The following SLC36A1 variants were observed in gnomAD, a reference collection of about 807,000 sequenced individuals.
SLC36A1 encodes the protein proton-coupled amino acid transporter 1.
A neutral mutation model predicts 47.5 loss-of-function variants in SLC36A1; 30 were observed. That is an observed-to-expected ratio of 0.63 (90% CI 0.47 to 0.86). The LOEUF (loss-of-function observed/expected upper bound fraction) is 0.86, where lower values mean the gene tolerates loss of function less well. SLC36A1 is among the 40% of genes least tolerant of loss of function. The probability of loss-of-function intolerance (pLI) is 0.00; values close to 1 mark genes in which losing one functional copy is unlikely to be tolerated. For synonymous variants in SLC36A1, 255 were observed against 249.7 expected (o/e 1.02, Z -0.20); for missense variants, 517 against 606.0 (o/e 0.85, Z 1.54).
chr5:151,421,984 GA>G, the SLC36A1 span, among the ~76,000 whole-genome samples: 1 of 152,022 alleles, frequency 6.6e-6, no homozygotes, highest in East Asian at 1.9e-4. Context: ...GAAACTGCAG[GA>G]AAAAAACAGA....
At chr5:151,350,276 T>C in the SLC36A1 span, among the ~76,000 whole-genome samples, 2 of 152,168 alleles carry the variant, frequency 1.3e-5, no homozygotes, top group Admixed American at 6.5e-5. Flanking sequence ...ATGAGGTGTG[T>C]TACATGAGGT....
At chr5:151,346,869 G>A in the SLC36A1 span, among the ~76,000 whole-genome samples, 2 of 152,164 alleles carry the variant, frequency 1.3e-5, no homozygotes, top group Non-Finnish European at 2.9e-5. Flanking sequence ...CAGGGAGGAG[G>A]AAATACTTAG....
At chr5:151,481,259 T>C (rs777334685) in intron 10 of SLC36A1, among the ~76,000 whole-genome samples, 1 of 152,336 alleles carries the variant, frequency 6.6e-6, no homozygotes, top group East Asian at 1.9e-4. Flanking sequence ...TTTTCCCTTC[T>C]GTGATCTGTT....
chr5:151,358,635 C>T, the SLC36A1 span, among the ~76,000 whole-genome samples: 4 of 152,164 alleles, frequency 2.6e-5, no homozygotes, highest in Non-Finnish European at 4.4e-5. Context: ...AGAAGTGGTT[C>T]TCAAACTTCA....
At chr5:151,382,075 C>A in the SLC36A1 span, 1 of 757,244 alleles carries the variant, frequency 1.3e-6, no homozygotes, top group Non-Finnish European at 2.3e-6. Flanking sequence ...ACTGATGTAA[C>A]CCCCAAAGAG....
At chr5:151,355,027 G>C in the SLC36A1 span, among the ~76,000 whole-genome samples, 1 of 152,146 alleles carries the variant, frequency 6.6e-6, no homozygotes, top group African/African-American at 2.4e-5. Context: ...CCTACTGACC[G>C]AGGAAAAACA....
intron 8 of SLC36A1, among the ~76,000 whole-genome samples, chr5:151,474,242 T>C (rs1263940557): frequency 6.6e-6 from 1 of 151,370 alleles, no homozygotes; most frequent in East Asian, 2.0e-4. Context: ...TCCATTGAGA[T>C]TTCCCAGCTT....
In SLC36A1 at chr5:151,489,841, A is replaced by G. The variant is rs1056183620; in HGVS notation, c.*1587A>G. 12 of 152,288 alleles carry G rather than the reference A, an allele frequency of 7.9e-5. 2 individuals carry two copies. The highest frequency in any genetic ancestry group is 7.2e-4 in the Admixed American group (11 of 15,292). 9.4% of individuals were successfully genotyped at this position (152,288 alleles called of 1,614,324 possible). The stretch of plus-strand genomic sequence containing the variant: ...TGTGTTCCTGTGTAAGTAACAGACC[A>G]GACTCCTTTTCTCTTCTGTCCCGTC... On this transcript the variant is annotated 3_prime_UTR_variant, in exon 11 of 11. Coordinates refer to ENST00000243389, the MANE Select transcript of SLC36A1 (RefSeq NM_078483.4). This position sits in a 1 kb window ranked among gnomAD's most constrained non-coding sequence, Gnocchi z 4.5.
the SLC36A1 span, chr5:151,545,985 G>A: frequency 1.9e-6 from 3 of 1,613,918 alleles, no homozygotes; most frequent in African/African-American, 4.0e-5. Context: ...ATTTCTTCTG[G>A]GTGGAAATAA....
chr5:151,392,248 T>G, the SLC36A1 span, among the ~76,000 whole-genome samples: 1 of 152,202 alleles, frequency 6.6e-6, no homozygotes, highest in Non-Finnish European at 1.5e-5. Context: ...GGTGGTGATA[T>G]CCCCTTTATC....
intron 10 of SLC36A1, chr5:151,480,255 A>G: frequency 4.4e-6 from 2 of 450,628 alleles, no homozygotes; most frequent in Non-Finnish European, 7.6e-6. Context: ...GCTTAAAAGC[A>G]TAGATTCCTC....
At position 151,451,244 on chromosome 5, in the gene SLC36A1, G is replaced by T; in HGVS notation, c.-6+3431G>T. Among the ~76,000 whole-genome samples, 2 of 151,834 alleles carry T rather than the reference G, an allele frequency of 1.3e-5. 1 individual carries two copies. The highest frequency in any genetic ancestry group is 1.3e-4 in the Admixed American group (2 of 15,238). On this transcript the variant is annotated intron_variant, in intron 1 of 10. Coordinates refer to ENST00000243389, the MANE Select transcript of SLC36A1 (RefSeq NM_078483.4). Reference sequence around the variant, plus strand: ...ATTATTATTATTTTTTTGGAGATGAGGTCTCACTATTTTGTCCACGCTGGT... The same window carrying T: ...ATTATTATTATTTTTTTGGAGATGATGTCTCACTATTTTGTCCACGCTGGT...
At chr5:151,415,598 CT>C in the SLC36A1 span, among the ~76,000 whole-genome samples, 1 of 152,136 alleles carries the variant, frequency 6.6e-6, no homozygotes, top group Non-Finnish European at 1.5e-5. Flanking sequence ...ACATTTGTAT[CT>C]TTTCTTATTT....
chr5:151,392,132 AG>A, the SLC36A1 span, among the ~76,000 whole-genome samples: 1 of 151,972 alleles, frequency 6.6e-6, no homozygotes, highest in East Asian at 1.9e-4. Context: ...TAGTATTGGG[AG>A]GGTGTGTGTG....
the SLC36A1 span, chr5:151,382,353 C>T: frequency 2.0e-4 from 160 of 790,504 alleles, 1 homozygote; most frequent in South Asian, 1.7e-3. Flanking sequence ...TCTGGCCATG[C>T]GCCAGCTCAA....
chr5:151,358,429 G>A, the SLC36A1 span, among the ~76,000 whole-genome samples: 311 of 152,156 alleles, frequency 2.0e-3, 3 homozygotes, highest in African/African-American at 7.1e-3. Flanking sequence ...GCACTACTGT[G>A]GCCGGCTAAT....
chr5:151,519,399 A>G, the SLC36A1 span, among the ~76,000 whole-genome samples: 1 of 152,198 alleles, frequency 6.6e-6, no homozygotes, highest in Non-Finnish European at 1.5e-5. Context: ...TGGCAATTCC[A>G]TTGTAGTAGG....
At chr5:151,552,209 G>T in the SLC36A1 span, among the ~76,000 whole-genome samples, 1 of 152,026 alleles carries the variant, frequency 6.6e-6, no homozygotes, top group African/African-American at 2.4e-5. Flanking sequence ...TGTAACCTTG[G>T]ACTCGGCCTC....
upstream of SLC36A1, among the ~76,000 whole-genome samples, chr5:151,447,339 A>T (rs1255673279): frequency 6.6e-6 from 1 of 152,256 alleles, no homozygotes; most frequent in Non-Finnish European, 1.5e-5. Context: ...CAGCCAGTGT[A>T]AAAATTAGCA....
Sources: allele counts gnomAD v4.1 joint callset (sites outside exome capture counted in the v4.1 genomes callset), GRCh38; gene constraint gnomAD v4.1.1; non-coding constraint Gnocchi (gnomAD v3.1); transcripts MANE v1.5; gene names NCBI Gene and HGNC (gene_info 2026-07-23, HGNC 2026-07-21).